FREM2: variants seen among roughly 807,000 people sequenced by gnomAD.
The protein encoded by FREM2 is FRAS1 related extracellular matrix 2.
Under a neutral mutation model 219.9 loss-of-function variants are expected in FREM2, and 119 were observed. The observed-to-expected ratio is 0.54, with a 90% CI of 0.47 to 0.63. The LOEUF is 0.63. Among genes scored for constraint, FREM2 ranks in the 30% least tolerant of loss-of-function variants. FREM2 has a pLI of 0.00. For synonymous variants in FREM2, 1,562 were observed against 1,522.8 expected (o/e 1.03, Z -0.60); for missense variants, 4,030 against 3,993.6 (o/e 1.01, Z -0.25).
intron 17 of FREM2, 125 bp downstream of exon 17, chr13:38,873,059 A>C (rs1257087450): frequency 2.6e-6 from 2 of 770,418 alleles, no homozygotes; most frequent in South Asian, 1.6e-5. Context: ...TTTTCTATCT[A>C]TAATAAGATA....
Position 38,769,715 on chromosome 13 carries a change from T to C in FREM2, c.5548T>C (p.Ser1850Pro), listed in dbSNP as rs1268996095. ...CCTGAGTGATGGGGAGCATGAGCAG[T>C]CTGAAACCTTTCAGGTGGTACTCTC... The part of the protein sequence containing the change: ...RILSDGEHEQ[S>P]ETFQVVLSEP... Residue 1850 changes from serine to proline, a missense_variant, in exon 4 of 24, where the codon TCT becomes CCT. Around this residue, in one of 2 missense-constraint regions of FREM2, gnomAD observed 3,102 missense variants for 2,950.7 expected, o/e 1.05. Coordinates refer to ENST00000280481, the MANE Select transcript of FREM2 (RefSeq NM_207361.6). 6.2e-7 allele frequency: 1 copy of C among 1,613,982 alleles called. No individual in the cohort carries two copies. Among genetic ancestry groups the C allele is most frequent in the East Asian group, 2.2e-5 (1 of 44,886 alleles).
chr13:38,835,196 A>G (rs1234276003), intron 6 of FREM2, among the ~76,000 whole-genome samples: 4 of 152,286 alleles, frequency 2.6e-5, no homozygotes, highest in African/African-American at 9.6e-5. Context: ...ACCATTTATT[A>G]AACAGGGAAT....
At chr13:38,812,742 G>T (rs1458909637) in intron 6 of FREM2, among the ~76,000 whole-genome samples, 1 of 151,976 alleles carries the variant, frequency 6.6e-6, no homozygotes, top group Non-Finnish European at 1.5e-5. Context: ...GATTAGCCAG[G>T]TGTGGTGGTG....
intron 16 of FREM2, among the ~76,000 whole-genome samples, chr13:38,866,589 A>AC (rs1166290403): frequency 1.3e-5 from 2 of 150,450 alleles, no homozygotes; most frequent in African/African-American, 4.9e-5. Context: ...AATCGCTTGA[A>AC]CTGGGAGGCG....
chr13:38,746,286 A>C (rs1278189136), intron 2 of FREM2, among the ~76,000 whole-genome samples: 1 of 152,222 alleles, frequency 6.6e-6, no homozygotes, highest in Non-Finnish European at 1.5e-5. Flanking sequence ...GAAAACCTGT[A>C]CACAATGAGG....
chr13:38,840,336 G>A (rs1342880880), intron 6 of FREM2, among the ~76,000 whole-genome samples: 1 of 151,672 alleles, frequency 6.6e-6, no homozygotes, highest in Non-Finnish European at 1.5e-5. Context: ...AGTTGGAAAT[G>A]CAGAAATCGC....
intron 2 of FREM2, among the ~76,000 whole-genome samples, chr13:38,761,490 T>G (rs1873222508): frequency 6.6e-6 from 1 of 152,222 alleles, no homozygotes; most frequent in Admixed American, 6.5e-5. Flanking sequence ...ACACAATAAT[T>G]TTTTAAAATA....
chr13:38,687,128 T>C lies in FREM2; in HGVS notation c.-217T>C, dbSNP rs1216161483. On this transcript the variant is annotated 5_prime_UTR_variant, in exon 1 of 24. Coordinates refer to ENST00000280481, the MANE Select transcript of FREM2 (RefSeq NM_207361.6). ...GCGATTGAGGCGCTAGCGGCGGAGC[T>C]GGACGGCCTGGGAAGGCTTCGGCTC... 1 of 614,788 alleles carries C rather than the reference T, an allele frequency of 1.6e-6. No homozygotes were observed. Among genetic ancestry groups the C allele is most frequent in the Non-Finnish European group, 2.8e-6 (1 of 351,612 alleles). The allele number at this position is 614,788 out of a possible 1,614,324, so 38.1% of individuals were successfully genotyped here.
chr13:38,695,602 G>A (rs1363904253), intron 1 of FREM2, among the ~76,000 whole-genome samples: 1 of 152,154 alleles, frequency 6.6e-6, no homozygotes, highest in Non-Finnish European at 1.5e-5. Flanking sequence ...AATTTGAAGG[G>A]GTGGGAACAT....
At position 38,877,180 on chromosome 13, in the gene FREM2, A is replaced by C; in HGVS notation, c.8608A>C (p.Ser2870Arg). The change falls in exon 21 of 24, where the codon AGT becomes CGT. Residue 2870 changes from serine to arginine, a missense_variant. Ser to Arg is a moderately radical substitution (Grantham distance 110, BLOSUM62 -1). Transcript: ENST00000280481. ...CCAAATGTACCTGCTCTCTAAGAAGAGTCTCTGGTTGTCTGATGGATCCAT... is the reference window on the plus strand; with the variant it reads ...CCAAATGTACCTGCTCTCTAAGAAGCGTCTCTGGTTGTCTGATGGATCCAT... ...NTQMYLLSKK[S>R]LWLSDGSMGF... 1 of 1,614,098 alleles carries C rather than the reference A, an allele frequency of 6.2e-7. No individual in the cohort carries two copies. Among genetic ancestry groups the C allele is most frequent in the Non-Finnish European group, 8.5e-7 (1 of 1,179,964 alleles).
At chr13:38,823,992 C>T (rs1022876067) in intron 6 of FREM2, among the ~76,000 whole-genome samples, 6 of 151,800 alleles carry the variant, frequency 4.0e-5, no homozygotes, top group Non-Finnish European at 8.8e-5. Context: ...AGAATGAGGC[C>T]GTGTTTCAAT....
chr13:38,886,766 A>T lies in FREM2; in HGVS notation c.*5979A>T, dbSNP rs1878746630. 6.6e-6 allele frequency: 1 copy of T among 152,198 alleles called. No homozygotes were observed. The highest frequency in any genetic ancestry group is 1.9e-4 in the East Asian group (1 of 5,196). The allele number at this position is 152,198 out of a possible 1,614,324, so 9.4% of individuals were successfully genotyped here. On this transcript the variant is annotated 3_prime_UTR_variant, in exon 24 of 24. Coordinates refer to ENST00000280481, the MANE Select transcript of FREM2 (RefSeq NM_207361.6). ...GAGCTTTGTGTTTTATAATTGTATTACGTGCCTGCTTCCTTACCAAGTGCC... is the reference window on the plus strand; with the variant it reads ...GAGCTTTGTGTTTTATAATTGTATTTCGTGCCTGCTTCCTTACCAAGTGCC...
chr13:38,878,364 A>G, intron 22 of FREM2, 43 bp downstream of exon 22: 1 of 1,445,206 alleles, frequency 6.9e-7, no homozygotes, highest in Non-Finnish European at 9.6e-7. Flanking sequence ...AGATTTTTCA[A>G]AGTTCAGCCT....
At chr13:38,792,745 C>G (rs1343809090) in intron 6 of FREM2, among the ~76,000 whole-genome samples, 1 of 148,352 alleles carries the variant, frequency 6.7e-6, no homozygotes, top group Non-Finnish European at 1.5e-5. Context: ...AATATTCACT[C>G]ATTTATGCAA....
chr13:38,748,053 T>A (rs1463459496), intron 2 of FREM2, among the ~76,000 whole-genome samples: 2 of 152,188 alleles, frequency 1.3e-5, no homozygotes, highest in Non-Finnish European at 2.9e-5. Flanking sequence ...TGATTTTAGC[T>A]GTGTTTTTTG....
At chr13:38,713,686 TCCCCAAAGTATAATTTC>T (rs1489178814) in intron 2 of FREM2, among the ~76,000 whole-genome samples, 2 of 152,178 alleles carry the variant, frequency 1.3e-5, no homozygotes, top group African/African-American at 4.8e-5. Flanking sequence ...TGTTATCCCT[TCCCCAAAGTATAATTTC>T]ATGTTCCTCT....
At chr13:38,693,019 T>G (rs1434008728) in intron 1 of FREM2, among the ~76,000 whole-genome samples, 1 of 152,258 alleles carries the variant, frequency 6.6e-6, no homozygotes, top group African/African-American at 2.4e-5. Flanking sequence ...CGGTTATAGT[T>G]GTTAGGAACT....
At chr13:38,747,515 C>T (rs1250036360) in intron 2 of FREM2, among the ~76,000 whole-genome samples, 1 of 151,850 alleles carries the variant, frequency 6.6e-6, no homozygotes, top group Non-Finnish European at 1.5e-5. Context: ...CACACACACA[C>T]ACACACATTT....
At chr13:38,772,773 T>C (rs1457349101) in intron 4 of FREM2, among the ~76,000 whole-genome samples, 1 of 151,956 alleles carries the variant, frequency 6.6e-6, no homozygotes, top group Middle Eastern at 3.2e-3. Context: ...CTTGGCTCAC[T>C]GCAACCTTCG....
Sources: allele counts gnomAD v4.1 joint callset (sites outside exome capture counted in the v4.1 genomes callset), GRCh38; gene constraint gnomAD v4.1.1; regional missense constraint gnomAD v4.1.1; transcripts MANE v1.5; gene names NCBI Gene and HGNC (gene_info 2026-07-23, HGNC 2026-07-21).